Variants in HECW2 observed in about 807,000 individuals in gnomAD.
The protein encoded by HECW2 is E3 ubiquitin-protein ligase HECW2.
In HECW2, 61 loss-of-function variants were observed where a neutral mutation model predicts 175.2. The observed-to-expected ratio is 0.35, with a 90% CI of 0.28 to 0.43. The LOEUF is 0.43. Among genes scored for constraint, HECW2 ranks in the 20% least tolerant of loss-of-function variants. HECW2 has a pLI of 1.00. For synonymous variants in HECW2, 671 were observed against 731.0 expected, an observed-to-expected ratio of 0.92 and a Z score of 1.32; for missense variants, 1,524 against 2,000.5, an observed-to-expected ratio of 0.76 and a Z score of 4.54.
intron 2 of HECW2, among the ~76,000 whole-genome samples, chr2:196,395,916 G>C (rs79941549): frequency 0.015 from 2,295 of 152,230 alleles, 23 homozygotes; most frequent in Non-Finnish European, 0.024. Flanking sequence ...ACTCAAACAG[G>C]TATCTGTATG....
chr2:196,481,373 G>A (rs1432108609), intron 1 of HECW2, among the ~76,000 whole-genome samples: 2 of 152,178 alleles, frequency 1.3e-5, no homozygotes, highest in Non-Finnish European at 2.9e-5. Flanking sequence ...TGTTCTAGGC[G>A]AAAGTAAGCT....
chr2:196,570,311 T>C (rs191395593), intron 1 of HECW2, among the ~76,000 whole-genome samples: 41 of 152,368 alleles, frequency 2.7e-4, no homozygotes, highest in African/African-American at 9.1e-4. Flanking sequence ...ATCATTTATA[T>C]TGCACCTATC....
intron 2 of HECW2, among the ~76,000 whole-genome samples, chr2:196,423,527 C>T (rs562171832): frequency 5.3e-5 from 8 of 152,170 alleles, no homozygotes; most frequent in Admixed American, 2.6e-4. Context: ...TACCTAACAA[C>T]GCAAACCTTT....
chr2:196,296,818 A>G (rs771648458), intron 13 of HECW2, among the ~76,000 whole-genome samples: 1 of 152,218 alleles, frequency 6.6e-6, no homozygotes, highest in Non-Finnish European at 1.5e-5. Flanking sequence ...AGAGCCAAAA[A>G]CACTAAACAG....
intron 14 of HECW2, among the ~76,000 whole-genome samples, chr2:196,279,338 G>A (rs918530388): frequency 2.0e-5 from 3 of 152,026 alleles, no homozygotes; most frequent in African/African-American, 7.2e-5. Context: ...GTGAGCCACC[G>A]CGCCTGGCCG....
intron 10 of HECW2, chr2:196,316,259 A>T (rs1691689991): frequency 6.6e-6 from 1 of 152,250 alleles, no homozygotes; most frequent in Admixed American, 6.5e-5. Flanking sequence ...AAAAGGATTA[A>T]GCTGATATTT....
chr2:196,356,504 A>C (rs1693373886), intron 2 of HECW2, among the ~76,000 whole-genome samples: 1 of 152,138 alleles, frequency 6.6e-6, no homozygotes, highest in Non-Finnish European at 1.5e-5. Flanking sequence ...GATGTAAATC[A>C]TCTCTCTGTC....
chr2:196,371,221 C>A (rs1693901189), intron 2 of HECW2, among the ~76,000 whole-genome samples: 1 of 152,136 alleles, frequency 6.6e-6, no homozygotes, highest in Non-Finnish European at 1.5e-5. Flanking sequence ...ATCCAATAGT[C>A]CATATATTAA....
chr2:196,301,832 T>A (rs923857243), intron 13 of HECW2, among the ~76,000 whole-genome samples: 3 of 152,072 alleles, frequency 2.0e-5, no homozygotes, highest in Non-Finnish European at 1.5e-5. Context: ...ATTCTGTAGG[T>A]TGTCTGTTCA....
At chr2:196,561,212 G>C (rs548175810) in intron 1 of HECW2, among the ~76,000 whole-genome samples, 2 of 152,206 alleles carry the variant, frequency 1.3e-5, no homozygotes, top group Non-Finnish European at 2.9e-5. Context: ...CCACTCTGGG[G>C]GTGTCTGCCT....
intron 14 of HECW2, among the ~76,000 whole-genome samples, chr2:196,283,583 G>A (rs879621277): frequency 1.1e-4 from 17 of 151,986 alleles, no homozygotes; most frequent in Admixed American, 1.0e-3. Context: ...GTTTCATCAC[G>A]TTGGCCAGGC....
intron 10 of HECW2, among the ~76,000 whole-genome samples, chr2:196,310,144 T>C (rs776620910): frequency 8.5e-5 from 13 of 152,204 alleles, no homozygotes; most frequent in Non-Finnish European, 1.8e-4. Flanking sequence ...AGAATGATTC[T>C]TGTATTCATC....
intron 21 of HECW2, among the ~76,000 whole-genome samples, chr2:196,235,648 CTTTTTTTTTTTTTT>C (rs757874073): frequency 1.3e-5 from 1 of 78,900 alleles, no homozygotes; most frequent in African/African-American, 4.7e-5. Context: ...ATGCATTATT[CTTTTTTTTTTTTTT>C]TTTTTTTTTT....
chr2:196,541,355 A>G (rs1217354123), intron 1 of HECW2, among the ~76,000 whole-genome samples: 7 of 152,200 alleles, frequency 4.6e-5, no homozygotes, highest in Non-Finnish European at 7.3e-5. Context: ...AAAAGTGATT[A>G]TATCTATGGA....
chr2:196,579,058 T>C (rs1690666792), intron 1 of HECW2, among the ~76,000 whole-genome samples: 1 of 152,214 alleles, frequency 6.6e-6, no homozygotes, highest in Admixed American at 6.5e-5. Context: ...ATGTAATCTG[T>C]ATTACAATGA....
At chr2:196,340,757 C>T (rs1171951199) in intron 3 of HECW2, among the ~76,000 whole-genome samples, 1 of 151,962 alleles carries the variant, frequency 6.6e-6, no homozygotes, top group Non-Finnish European at 1.5e-5. Context: ...AAGACTTATT[C>T]AAAGGAGAAT....
intron 1 of HECW2, among the ~76,000 whole-genome samples, chr2:196,460,776 ATTTTTTTTTTTTTT>A (rs201916150): frequency 6.0e-5 from 7 of 116,146 alleles, no homozygotes; most frequent in South Asian, 3.1e-4. Flanking sequence ...ACACCTGGCA[ATTTTTTTTTTTTTT>A]TTTTTTTTTT....
chr2:196,278,151 T>TATATATATAA, intron 15 of HECW2, among the ~76,000 whole-genome samples: 1 of 121,398 alleles, frequency 8.2e-6, no homozygotes, highest in African/African-American at 2.7e-5. Context: ...TATATATATA[T>TATATATATAA]AAAGAAATTC....
At chr2:196,418,403 C>T (rs1364312192) in intron 2 of HECW2, among the ~76,000 whole-genome samples, 2 of 152,194 alleles carry the variant, frequency 1.3e-5, no homozygotes, top group Non-Finnish European at 2.9e-5. Flanking sequence ...GCTGTGATTA[C>T]AGGCGTGAGC....
Sources: gnomAD v4.1 joint callset for allele counts (sites outside exome capture counted in the v4.1 genomes callset) on GRCh38, gnomAD v4.1.1 for gene constraint, MANE v1.5 for transcripts, NCBI Gene and HGNC (gene_info 2026-07-23, HGNC 2026-07-21) for gene names.